The following LRRTM4 variants were observed in gnomAD, a reference collection of about 807,000 sequenced individuals.
LRRTM4 encodes the protein leucine rich repeat transmembrane neuronal 4.
In LRRTM4, 25 loss-of-function variants were observed where a neutral mutation model predicts 47.6. That is an observed-to-expected ratio of 0.53 (90% CI 0.38 to 0.73). The LOEUF (loss-of-function observed/expected upper bound fraction) is 0.73. Ranked by LOEUF, LRRTM4 falls within the 30% of genes least tolerant of loss-of-function variation. LRRTM4 has a pLI of 0.00. For synonymous variants in LRRTM4, 311 were observed against 269.5 expected (o/e 1.15, Z -1.51); for missense variants, 638 against 713.4 (o/e 0.89, Z 1.20).
At chr2:77,169,641 C>T (rs1381906166) in intron 3 of LRRTM4, among the ~76,000 whole-genome samples, 4 of 152,142 alleles carry the variant, frequency 2.6e-5, no homozygotes, top group Non-Finnish European at 5.9e-5. Context: ...CTCTTTCTCT[C>T]TTGAATACTT....
intron 3 of LRRTM4, among the ~76,000 whole-genome samples, chr2:77,132,740 G>C (rs1194694925): frequency 6.6e-6 from 1 of 152,170 alleles, no homozygotes; most frequent in South Asian, 2.1e-4. Context: ...CTTCATCAAT[G>C]AATCAGCTCC....
At position 76,797,431 on chromosome 2, in the gene LRRTM4, C is replaced by T. The variant is rs1028837772; in HGVS notation, c.1552-48515G>A. ...AGCAAATGCTGAGAGATTTTGTCACCACCAGGCCTGCCCTAAAAGAGCTCC... is the reference window on the plus strand; with the variant it reads ...AGCAAATGCTGAGAGATTTTGTCACTACCAGGCCTGCCCTAAAAGAGCTCC... On this transcript the variant is annotated intron_variant, in intron 3 of 3. Coordinates refer to ENST00000409884, the MANE Select transcript of LRRTM4 (RefSeq NM_001134745.3). Among the ~76,000 whole-genome samples, 18 of 151,906 alleles carry T rather than the reference C, an allele frequency of 1.2e-4. 1 individual carries two copies. Among genetic ancestry groups the T allele is most frequent in the Admixed American group, 4.6e-4 (7 of 15,250 alleles).
At chr2:77,268,130 C>T in intron 3 of LRRTM4, among the ~76,000 whole-genome samples, 1 of 152,094 alleles carries the variant, frequency 6.6e-6, no homozygotes, top group East Asian at 1.9e-4. Flanking sequence ...AAGTCAGTGA[C>T]TTTCTAATTT....
intron 3 of LRRTM4, among the ~76,000 whole-genome samples, chr2:77,384,121 C>T (rs377460273): frequency 1.1e-4 from 16 of 151,910 alleles, no homozygotes; most frequent in East Asian, 1.9e-4. Context: ...ATATTCTTTA[C>T]GGATTTTTAG....
At chr2:77,476,355 T>G (rs1573465293) in intron 3 of LRRTM4, among the ~76,000 whole-genome samples, 1 of 152,230 alleles carries the variant, frequency 6.6e-6, no homozygotes, top group Admixed American at 6.5e-5. Flanking sequence ...AAATTATTAT[T>G]ATTGCTATAT....
intron 3 of LRRTM4, among the ~76,000 whole-genome samples, chr2:77,145,804 T>A (rs1299106042): frequency 6.7e-6 from 1 of 149,466 alleles, no homozygotes; most frequent in Non-Finnish European, 1.5e-5. Context: ...AATAAATAAA[T>A]AAAATAAAAA....
chr2:77,522,199 G>T lies in LRRTM4; in HGVS notation c.-238C>A. ...AGTTCTTGAAGCAAGTAGGCCTCCTGTGCTGTATGAGACCCCAGTTTAAAA... is the reference window on the plus strand; with the variant it reads ...AGTTCTTGAAGCAAGTAGGCCTCCTTTGCTGTATGAGACCCCAGTTTAAAA... On this transcript the variant is annotated 5_prime_UTR_variant, in exon 1 of 4. Coordinates refer to ENST00000409884, the MANE Select transcript of LRRTM4 (RefSeq NM_001134745.3). 1 of 706,690 alleles carries T rather than the reference G, an allele frequency of 1.4e-6. No individual in the cohort carries two copies. The highest frequency in any genetic ancestry group is 2.6e-6 in the Non-Finnish European group (1 of 379,734). 43.8% of individuals were successfully genotyped at this position (706,690 alleles called of 1,614,324 possible).
chr2:77,071,212 T>C (rs539453508), intron 3 of LRRTM4, among the ~76,000 whole-genome samples: 1 of 152,314 alleles, frequency 6.6e-6, no homozygotes, highest in East Asian at 1.9e-4. Flanking sequence ...AATCCCACTG[T>C]CCAATTTAGA....
chr2:77,339,663 G>C (rs1354040673), intron 3 of LRRTM4, among the ~76,000 whole-genome samples: 2 of 152,018 alleles, frequency 1.3e-5, no homozygotes, highest in African/African-American at 2.4e-5. Context: ...TCCCCCGACT[G>C]TATTACACTG....
intron 3 of LRRTM4, among the ~76,000 whole-genome samples, chr2:77,074,440 C>A (rs960660320): frequency 6.6e-6 from 1 of 152,130 alleles, no homozygotes; most frequent in East Asian, 1.9e-4. Context: ...GTAGTAAGAT[C>A]ATATCTTCTG....
chr2:77,049,157 T>TATATATATATATATATACACAC (rs1351971551), intron 3 of LRRTM4, among the ~76,000 whole-genome samples: 1 of 106,354 alleles, frequency 9.4e-6, no homozygotes, highest in Admixed American at 9.7e-5. Flanking sequence ...TATATATATA[T>TATATATATATATATATACACAC]ACACACACAC....
intron 3 of LRRTM4, among the ~76,000 whole-genome samples, chr2:77,224,839 T>G (rs1674755326): frequency 6.6e-6 from 1 of 152,126 alleles, no homozygotes; most frequent in African/African-American, 2.4e-5. Context: ...AGAAATACCA[T>G]TTGACCCAGC....
At chr2:77,480,822 G>GGAGAGAGAGA (rs67377276) in intron 3 of LRRTM4, among the ~76,000 whole-genome samples, 788 of 74,464 alleles carry the variant, frequency 0.011, 37 homozygotes, top group South Asian at 0.015. Context: ...GTGTGTGTGT[G>GGAGAGAGAGA]GAGAGAGAGA....
At chr2:77,142,066 G>A (rs1672138694) in intron 3 of LRRTM4, among the ~76,000 whole-genome samples, 1 of 152,174 alleles carries the variant, frequency 6.6e-6, no homozygotes, top group South Asian at 2.1e-4. Context: ...TGTCAGTATA[G>A]ACAGAGCACA....
At chr2:76,755,507 T>G (rs1055984042) in intron 3 of LRRTM4, among the ~76,000 whole-genome samples, 5 of 152,178 alleles carry the variant, frequency 3.3e-5, no homozygotes. Flanking sequence ...TCTTAGAAAC[T>G]TCTGCAAGAC....
intron 3 of LRRTM4, among the ~76,000 whole-genome samples, chr2:77,154,330 A>G (rs1467710432): frequency 6.6e-6 from 1 of 152,202 alleles, no homozygotes; most frequent in Non-Finnish European, 1.5e-5. Context: ...AAAGAGAAGA[A>G]TTTTATAAAA....
At chr2:76,898,579 GTT>G (rs1673505200) in intron 3 of LRRTM4, among the ~76,000 whole-genome samples, 5 of 143,958 alleles carry the variant, frequency 3.5e-5, no homozygotes, top group African/African-American at 1.3e-4. Context: ...AAAAAAAAGA[GTT>G]AGTACAGTAA....
Position 76,781,589 on chromosome 2 carries a change from G to T in LRRTM4, c.1552-32673C>A, listed in dbSNP as rs1674394417. Among the ~76,000 whole-genome samples, 4 of 152,330 alleles carry T rather than the reference G, an allele frequency of 2.6e-5. No homozygotes were observed. The South Asian group carries it at 8.3e-4, about 32-fold the overall frequency. On this transcript the variant is annotated intron_variant, in intron 3 of 3. Coordinates refer to ENST00000409884, the MANE Select transcript of LRRTM4 (RefSeq NM_001134745.3). Reference sequence around the variant, plus strand: ...GTGACCCCTTGCGCTTCCCAAGTGAGGCAATGCCTCGCCCTGCTTCGGCTC... The same window carrying T: ...GTGACCCCTTGCGCTTCCCAAGTGATGCAATGCCTCGCCCTGCTTCGGCTC...
intron 3 of LRRTM4, among the ~76,000 whole-genome samples, chr2:76,872,139 A>G (rs1672641059): frequency 6.6e-6 from 1 of 152,194 alleles, no homozygotes; most frequent in Non-Finnish European, 1.5e-5. Flanking sequence ...CTAATACAAT[A>G]TGCTTCTGAT....
Sources: allele counts gnomAD v4.1 joint callset (sites outside exome capture counted in the v4.1 genomes callset), GRCh38; gene constraint gnomAD v4.1.1; transcripts MANE v1.5; gene names NCBI Gene and HGNC (gene_info 2026-07-23, HGNC 2026-07-21).